The following RRAS2 variants were observed in gnomAD, a reference collection of about 807,000 sequenced individuals.
The protein encoded by RRAS2 is ras-related protein R-Ras2.
In RRAS2, 7 loss-of-function variants were observed where a neutral mutation model predicts 27.6. That is an observed-to-expected ratio of 0.25 (90% CI 0.14 to 0.48). The LOEUF (loss-of-function observed/expected upper bound fraction) is 0.48. RRAS2 is among the 20% of genes least tolerant of loss of function. The pLI, the probability that RRAS2 is intolerant of heterozygous loss-of-function variation, is 0.99. For synonymous variants in RRAS2, 86 were observed against 90.9 expected (o/e 0.95, Z 0.31); for missense variants, 178 against 256.2 (o/e 0.69, Z 2.08).
chr11:14,353,467 T>C (rs2915401), intron 1 of RRAS2, among the ~76,000 whole-genome samples: 58,775 of 151,796 alleles, frequency 0.39, 11,595 homozygotes, highest in Admixed American at 0.44. Context: ...TGCCTGTCTA[T>C]AATCCCAGCT....
At chr11:14,327,735 G>A (rs1338995219) in intron 1 of RRAS2, among the ~76,000 whole-genome samples, 2 of 152,014 alleles carry the variant, frequency 1.3e-5, no homozygotes, top group Non-Finnish European at 2.9e-5. Flanking sequence ...AAAGAAAAAC[G>A]TGCAGTACAT....
intron 1 of RRAS2, among the ~76,000 whole-genome samples, chr11:14,331,098 A>G (rs149912692): frequency 2.0e-3 from 303 of 152,320 alleles, no homozygotes; most frequent in African/African-American, 6.9e-3. Flanking sequence ...CCAGATTTTT[A>G]AAGAACATAA....
chr11:14,329,040 T>C (rs553078857), intron 1 of RRAS2, among the ~76,000 whole-genome samples: 40 of 144,602 alleles, frequency 2.8e-4, no homozygotes, highest in African/African-American at 8.2e-4. Flanking sequence ...CACACACACA[T>C]ATATATGTAT....
chr11:14,336,517 T>A (rs1421500914), intron 1 of RRAS2, among the ~76,000 whole-genome samples: 1 of 151,208 alleles, frequency 6.6e-6, no homozygotes, highest in Non-Finnish European at 1.5e-5. Flanking sequence ...AGCAAAGAAA[T>A]GAAAGTCTCA....
chr11:14,342,400 C>A (rs1848731291), intron 1 of RRAS2, among the ~76,000 whole-genome samples: 2 of 152,200 alleles, frequency 1.3e-5, no homozygotes, highest in Admixed American at 6.5e-5. Context: ...AAATAATGAC[C>A]ATGACGATGC....
intron 1 of RRAS2, among the ~76,000 whole-genome samples, chr11:14,331,140 AC>A (rs1848472776): frequency 6.6e-6 from 1 of 152,202 alleles, no homozygotes; most frequent in Admixed American, 6.5e-5. Context: ...ATGAAGATGA[AC>A]ATACTACCCA....
intron 4 of RRAS2, 49 bp from the exon 5 acceptor site, chr11:14,281,769 T>A: frequency 6.9e-7 from 1 of 1,454,178 alleles, no homozygotes; most frequent in Non-Finnish European, 9.4e-7. Context: ...CAACTGGATT[T>A]GTTCCATCTA....
At chr11:14,317,100 T>C (rs1364177691) in intron 1 of RRAS2, among the ~76,000 whole-genome samples, 2 of 152,248 alleles carry the variant, frequency 1.3e-5, no homozygotes, top group African/African-American at 4.8e-5. Context: ...AAAGGTACTA[T>C]GGAGGCATAG....
At chr11:14,283,637 A>C (rs1425946552) in intron 4 of RRAS2, among the ~76,000 whole-genome samples, 7 of 152,004 alleles carry the variant, frequency 4.6e-5, no homozygotes, top group Admixed American at 4.6e-4. Context: ...GAATTTTGGT[A>C]GTTTGTGCCT....
At chr11:14,355,649 T>C (rs905493797) in intron 1 of RRAS2, among the ~76,000 whole-genome samples, 1 of 152,222 alleles carries the variant, frequency 6.6e-6, no homozygotes, top group African/African-American at 2.4e-5. Context: ...TAAAAGGCAT[T>C]GTTTTTAAAT....
At chr11:14,294,949 A>C in intron 2 of RRAS2, 87 bp from the exon 3 acceptor site, 1 of 1,052,558 alleles carries the variant, frequency 9.5e-7, no homozygotes, top group Non-Finnish European at 1.5e-6. Context: ...TGAGTCCTCT[A>C]GAGAGCCTCA....
At chr11:14,322,915 C>T (rs1203554057) in intron 1 of RRAS2, among the ~76,000 whole-genome samples, 1 of 151,984 alleles carries the variant, frequency 6.6e-6, no homozygotes, top group Non-Finnish European at 1.5e-5. Flanking sequence ...TAAGAGGAAA[C>T]ACACAGAACT....
At chr11:14,313,510 C>T (rs1375216425) in intron 1 of RRAS2, among the ~76,000 whole-genome samples, 3 of 152,144 alleles carry the variant, frequency 2.0e-5, no homozygotes, top group African/African-American at 4.8e-5. Context: ...ATGCCTGGTA[C>T]CTATGAATAT....
chr11:14,351,780 A>AGGAGGC (rs1320873637), intron 1 of RRAS2, among the ~76,000 whole-genome samples: 1 of 151,642 alleles, frequency 6.6e-6, no homozygotes, highest in Non-Finnish European at 1.5e-5. Context: ...CTGTAATCTC[A>AGGAGGC]GCTACTCGGG....
In RRAS2 at chr11:14,279,043, C is replaced by T. The variant is rs1849448037; in HGVS notation, c.*294G>A. ...TTGGCAAACAGCTTAGATTCCAAAACTGATTCATCTCTATTAAAATGTAAG... is the reference window on the plus strand; with the variant it reads ...TTGGCAAACAGCTTAGATTCCAAAATTGATTCATCTCTATTAAAATGTAAG... On this transcript the variant is annotated 3_prime_UTR_variant, in exon 6 of 6. Coordinates refer to ENST00000256196, the MANE Select transcript of RRAS2 (RefSeq NM_012250.6). The T allele has an allele frequency of 4.4e-6, 1 of 226,934 alleles. No individual in the cohort carries two copies. The highest frequency in any genetic ancestry group is 2.3e-5 in the African/African-American group (1 of 43,918). The allele number at this position is 226,934 out of a possible 1,614,324, so 14.1% of individuals were successfully genotyped here. A position where few individuals can be genotyped will look rare whatever the true frequency, so the allele number is the denominator to read the frequency against.
chr11:14,314,776 G>A (rs1033137147), intron 1 of RRAS2, among the ~76,000 whole-genome samples: 1 of 151,976 alleles, frequency 6.6e-6, no homozygotes, highest in African/African-American at 2.4e-5. Context: ...TGCAACCTCC[G>A]CCTCCAGGTT....
chr11:14,296,343 A>G (rs1847550528), intron 1 of RRAS2, among the ~76,000 whole-genome samples: 1 of 152,156 alleles, frequency 6.6e-6, no homozygotes, highest in African/African-American at 2.4e-5. Flanking sequence ...ACAATTCCCC[A>G]CCAAATGTTC....
chr11:14,348,902 AAGATGTAC>A (rs1276826007), intron 1 of RRAS2, among the ~76,000 whole-genome samples: 1 of 152,218 alleles, frequency 6.6e-6, no homozygotes. Context: ...GAAGTGGAAA[AAGATGTAC>A]AGATGTACGC....
At chr11:14,349,298 C>T (rs1848902204) in intron 1 of RRAS2, among the ~76,000 whole-genome samples, 2 of 151,884 alleles carry the variant, frequency 1.3e-5, no homozygotes, top group Admixed American at 6.6e-5. Flanking sequence ...ACTATAGGCA[C>T]CCGCCACCAC....
Sources: gnomAD v4.1 joint callset for allele counts (sites outside exome capture counted in the v4.1 genomes callset) on GRCh38, gnomAD v4.1.1 for gene constraint, MANE v1.5 for transcripts, NCBI Gene and HGNC (gene_info 2026-07-23, HGNC 2026-07-21) for gene names.